The following SSR1 variants were observed in gnomAD, a reference collection of about 807,000 sequenced individuals.
The protein encoded by SSR1 is translocon-associated protein subunit alpha.
Under a neutral mutation model 36.1 loss-of-function variants are expected in SSR1, and 13 were observed. That is an observed-to-expected ratio of 0.36 (90% CI 0.23 to 0.57). SSR1 has a LOEUF of 0.57. Ranked by LOEUF, SSR1 falls within the 20% of genes least tolerant of loss-of-function variation. SSR1 has a pLI of 0.81. For missense variants in SSR1, 291 were observed against 338.5 expected, an observed-to-expected ratio of 0.86 and a Z score of 1.10; for synonymous variants, 113 against 118.9, an observed-to-expected ratio of 0.95 and a Z score of 0.32.
At chr6:7,312,917 G>T (rs1168762481) in intron 1 of SSR1, 125 bp downstream of exon 1, 2 of 954,208 alleles carry the variant, frequency 2.1e-6, no homozygotes, top group African/African-American at 1.6e-5. Context: ...GGGAGAGGGC[G>T]GAGAGAGGCC....
chr6:7,311,015 GT>G (rs1489847966), intron 1 of SSR1, among the ~76,000 whole-genome samples: 2 of 152,242 alleles, frequency 1.3e-5, no homozygotes, highest in Non-Finnish European at 2.9e-5. Context: ...GAACTGGATA[GT>G]TTGTAAGCCA....
chr6:7,295,320 T>A lies in SSR1; in HGVS notation c.793+72A>T, dbSNP rs78931301. 1,035 of 1,302,364 alleles carry A rather than the reference T, an allele frequency of 7.9e-4. 34 individuals are homozygous for A. In the East Asian group the frequency reaches 0.025, roughly 31 times the overall value. 80.7% of individuals were successfully genotyped at this position (1,302,364 alleles called of 1,614,324 possible). ...AATAGTACTGAAAAAGTTTTTTTTT[T>A]AAACTAAATCTAAGGTATTTAATTT... On this transcript the variant is annotated intron_variant, in intron 7 of 7. Transcript: ENST00000244763.
At chr6:7,289,983 CA>C in intron 7 of SSR1, 52 bp from the exon 8 acceptor site, 1 of 1,437,902 alleles carries the variant, frequency 7.0e-7, no homozygotes, top group Non-Finnish European at 9.3e-7. Flanking sequence ...ATATTGAATT[CA>C]AAAGACATGT....
chr6:7,299,672 G>A (rs1305596957), intron 4 of SSR1, among the ~76,000 whole-genome samples: 6 of 147,356 alleles, frequency 4.1e-5, no homozygotes, highest in African/African-American at 1.5e-4. Context: ...TGAGCAACAA[G>A]AGCGAAACTC....
chr6:7,301,543 G>A lies in SSR1; in HGVS notation c.310C>T (p.Leu104=), dbSNP rs1757933101. Reference sequence around the variant, plus strand: ...GTACCCTTGTTGGTAAAGCCTACCAGGAACTTCACAATGTTATTTGCTGGA... The same window carrying A: ...GTACCCTTGTTGGTAAAGCCTACCAAGAACTTCACAATGTTATTTGCTGGA... ...DFPANNIVKF[L]VGFTNKGTED... Residue 104 remains leucine (L), a synonymous_variant, in exon 4 of 8, where the codon CTG becomes TTG. Coordinates refer to ENST00000244763, the MANE Select transcript of SSR1 (RefSeq NM_003144.5). 1.2e-6 allele frequency: 2 copies of A among 1,612,038 alleles called. No homozygotes were observed. Among genetic ancestry groups the A allele is most frequent in the Admixed American group, 3.4e-5 (2 of 59,666 alleles).
chr6:7,294,558 G>A (rs1297872568), intron 7 of SSR1, among the ~76,000 whole-genome samples: 1 of 152,178 alleles, frequency 6.6e-6, no homozygotes, highest in East Asian at 1.9e-4. Context: ...GGGCGTGGTG[G>A]CACGTGCCTG....
intron 2 of SSR1, among the ~76,000 whole-genome samples, chr6:7,305,078 G>A (rs758279869): frequency 6.6e-6 from 1 of 152,150 alleles, no homozygotes; most frequent in Admixed American, 6.5e-5. Flanking sequence ...GAGACAGAGA[G>A]GCTGAAACCA....
chr6:7,295,585 C>G (rs1050477047), intron 6 of SSR1, 100 bp from the exon 7 acceptor site: 92 of 784,560 alleles, frequency 1.2e-4, no homozygotes, highest in Non-Finnish European at 1.1e-5. Context: ...GCCCAGGCTG[C>G]CTGGAACTCC....
rs35763826 is a variant in SSR1 at position 7,303,138 on chromosome 6, T to TAAAAAA, written c.280+406_280+411dup. The stretch of plus-strand genomic sequence containing the variant: ...TGGGTGACAGAGCGAGACTACATCT[T>TAAAAAA]AAAAAAAAAAAAAAAAAAAAAAAAA... On this transcript the variant is annotated intron_variant, in intron 3 of 7. Transcript: ENST00000244763. Among the ~76,000 whole-genome samples the TAAAAAA allele has an allele frequency of 2.5e-3, 106 of 42,914 alleles. 7 individuals are homozygous for TAAAAAA. The highest frequency in any genetic ancestry group is 3.6e-3 in the South Asian group (2 of 558). 28.2% of individuals were successfully genotyped at this position (42,914 alleles called of 152,430 possible).
At chr6:7,294,716 A>AATAC (rs1757757135) in intron 7 of SSR1, among the ~76,000 whole-genome samples, 1 of 142,714 alleles carries the variant, frequency 7.0e-6, no homozygotes, top group African/African-American at 2.6e-5. Flanking sequence ...TAAATAAATA[A>AATAC]ATAGGATTAA....
At position 7,289,542 on chromosome 6, in the gene SSR1, A is replaced by C; in HGVS notation, c.*322T>G. 1 of 281,038 alleles carries C rather than the reference A, an allele frequency of 3.6e-6. No homozygotes were observed. Among genetic ancestry groups the C allele is most frequent in the Non-Finnish European group, 6.6e-6 (1 of 151,756 alleles). 17.4% of individuals were successfully genotyped at this position (281,038 alleles called of 1,614,324 possible). ...AAAAATCAGAAAATGTCAAAAAGGAAGAGACAACAGCATTATATTTAGTAT... is the reference window on the plus strand; with the variant it reads ...AAAAATCAGAAAATGTCAAAAAGGACGAGACAACAGCATTATATTTAGTAT... On this transcript the variant is annotated 3_prime_UTR_variant, in exon 8 of 8. Transcript: ENST00000244763.
intron 6 of SSR1, chr6:7,297,115 G>T (rs1267079079): frequency 5.8e-6 from 2 of 345,482 alleles, no homozygotes; most frequent in Admixed American, 6.8e-5. Flanking sequence ...GACTACTCAG[G>T]AAGCTGAGGT....
At chr6:7,309,004 C>G (rs2113301663) in intron 2 of SSR1, among the ~76,000 whole-genome samples, 1 of 152,346 alleles carries the variant, frequency 6.6e-6, no homozygotes, top group South Asian at 2.1e-4. Flanking sequence ...ACTCATGTCA[C>G]CACGATCCTG....
chr6:7,295,528 C>A (rs746086002), intron 6 of SSR1, 43 bp from the exon 7 acceptor site: 3 of 1,334,518 alleles, frequency 2.2e-6, no homozygotes, highest in African/African-American at 3.0e-5. Context: ...TTCCGTTACA[C>A]CATTTACTTA....
chr6:7,291,215 A>G (rs900821036), intron 7 of SSR1, among the ~76,000 whole-genome samples: 2 of 152,058 alleles, frequency 1.3e-5, no homozygotes, highest in African/African-American at 2.4e-5. Context: ...CCTGGCCAAC[A>G]TGATGAAATC....
At position 7,289,944 on chromosome 6, in the gene SSR1, A is replaced by G; in HGVS notation, c.794-13T>C. ...GGTGAAGCTTTATCTGGAAGAAAAG[A>G]GAAAGTTTTAAGCTTGCCTATTATA... On this transcript the variant is annotated splice_polypyrimidine_tract_variant and intron_variant, in intron 7 of 7. Coordinates refer to ENST00000244763, the MANE Select transcript of SSR1 (RefSeq NM_003144.5). The G allele has an allele frequency of 6.5e-7, 1 of 1,533,332 alleles. No individual in the cohort carries two copies. The highest frequency in any genetic ancestry group is 8.7e-7 in the Non-Finnish European group (1 of 1,152,638). 95.0% of individuals were successfully genotyped at this position (1,533,332 alleles called of 1,614,324 possible).
In SSR1 at chr6:7,295,548, A is replaced by T. The variant is rs1233876246; in HGVS notation, c.700-63T>A. The T allele has an allele frequency of 4.0e-6, 5 of 1,262,002 alleles. No homozygotes were observed. The East Asian group carries it at 1.0e-4, about 26-fold the overall frequency. The allele number at this position is 1,262,002 out of a possible 1,614,324, so 78.2% of individuals were successfully genotyped here. On this transcript the variant is annotated intron_variant, in intron 6 of 7. Coordinates refer to ENST00000244763, the MANE Select transcript of SSR1 (RefSeq NM_003144.5). The stretch of plus-strand genomic sequence containing the variant: ...TTACACCATTTACTTAATATTTTTT[A>T]AAAAAGAGTTGAGGTCTTGCTATGT...
At chr6:7,311,299 A>G (rs575563519) in intron 1 of SSR1, among the ~76,000 whole-genome samples, 99 of 152,244 alleles carry the variant, frequency 6.5e-4, no homozygotes, top group African/African-American at 2.2e-3. Flanking sequence ...GACCATAAAA[A>G]GAATTTCAAA....
In SSR1 at chr6:7,288,049, C is replaced by CA. The variant is rs1183081206; in HGVS notation, c.*1814dup. On this transcript the variant is annotated 3_prime_UTR_variant, in exon 8 of 8. Coordinates refer to ENST00000244763, the MANE Select transcript of SSR1 (RefSeq NM_003144.5). The stretch of plus-strand genomic sequence containing the variant: ...ATGAGGAGGGCTGACAGCTGTAACT[C>CA]AGTGTGGTTTTGCAGCTGCCTACGT... 1 of 152,206 alleles carries CA rather than the reference C, an allele frequency of 6.6e-6. No homozygotes were observed. The highest frequency in any genetic ancestry group is 1.5e-5 in the Non-Finnish European group (1 of 68,042). The allele number at this position is 152,206 out of a possible 1,614,324, so 9.4% of individuals were successfully genotyped here. A position where few individuals can be genotyped will look rare whatever the true frequency, so the allele number is the denominator to read the frequency against.
Sources: gnomAD v4.1 joint callset for allele counts (sites outside exome capture counted in the v4.1 genomes callset) on GRCh38, gnomAD v4.1.1 for gene constraint, MANE v1.5 for transcripts, NCBI Gene and HGNC (gene_info 2026-07-23, HGNC 2026-07-21) for gene names.